Variants in HDHD5 observed in about 807,000 individuals in gnomAD.
The protein encoded by HDHD5 is haloacid dehalogenase-like hydrolase domain-containing 5.
HDHD5 carries 34 observed loss-of-function variants against 35.5 expected under a neutral mutation model. The observed-to-expected ratio is 0.96, with a 90% CI of 0.73 to 1.28. The LOEUF (loss-of-function observed/expected upper bound fraction) is 1.28. Ranked by LOEUF, HDHD5 falls within the 50% of genes most tolerant of loss-of-function variation. The pLI, the probability that HDHD5 is intolerant of heterozygous loss-of-function variation, is 0.00. For missense variants in HDHD5, 589 were observed against 560.2 expected, an observed-to-expected ratio of 1.05 and a Z score of -0.52; for synonymous variants, 248 against 240.6, an observed-to-expected ratio of 1.03 and a Z score of -0.29.
intron 3 of HDHD5, among the ~76,000 whole-genome samples, chr22:17,145,328 G>A (rs2061649821): frequency 6.6e-6 from 1 of 152,196 alleles, no homozygotes; most frequent in Non-Finnish European, 1.5e-5. Flanking sequence ...CAGCTCCTGG[G>A]TAACCCACCA....
intron 3 of HDHD5, among the ~76,000 whole-genome samples, chr22:17,146,165 C>T (rs941008064): frequency 1.3e-5 from 2 of 152,062 alleles, no homozygotes; most frequent in Non-Finnish European, 2.9e-5. Flanking sequence ...TCCTTCCTCT[C>T]CCTATCCCAT....
rs1305956004 is a variant in HDHD5 at position 17,159,224 on chromosome 22, G to A, written c.28C>T (p.Leu10Phe). 8.7e-5 allele frequency: 104 copies of A among 1,200,512 alleles called. No homozygotes were observed. Among genetic ancestry groups the A allele is most frequent in the Non-Finnish European group, 1.0e-4 (99 of 969,226 alleles). 74.4% of individuals were successfully genotyped at this position (1,200,512 alleles called of 1,614,324 possible). MAAWGCVAA[L>F]GAARGLCWRA... ...CAGCAAAGCCCACGCGCCGCGCCGA[G>A]CGCAGCCACACAGCCCCACGCAGCC... The change falls in exon 1 of 8, where the codon CTC becomes TTC. Residue 10 changes from leucine (L) to phenylalanine (F), a missense_variant. Transcript: ENST00000336737.
chr22:17,151,417 T>C (rs1460905098), intron 1 of HDHD5, among the ~76,000 whole-genome samples: 1 of 152,134 alleles, frequency 6.6e-6, no homozygotes, highest in Non-Finnish European at 1.5e-5. Flanking sequence ...GCTCCCTTTA[T>C]AGAGCAACCA....
chr22:17,158,265 G>A (rs149481670), intron 1 of HDHD5, among the ~76,000 whole-genome samples: 3,862 of 152,060 alleles, frequency 0.025, 171 homozygotes, highest in African/African-American at 0.088. Context: ...AGGTTGCAGT[G>A]AGCAGAGATT....
chr22:17,156,423 C>T (rs960661004), intron 1 of HDHD5, among the ~76,000 whole-genome samples: 3 of 152,000 alleles, frequency 2.0e-5, no homozygotes, highest in Non-Finnish European at 1.5e-5. Flanking sequence ...CCAGTCTGGC[C>T]AACATGGTGA....
intron 1 of HDHD5, among the ~76,000 whole-genome samples, chr22:17,151,822 G>A (rs1158944254): frequency 6.6e-6 from 1 of 151,768 alleles, no homozygotes; most frequent in Non-Finnish European, 1.5e-5. Context: ...TAAGGTGACA[G>A]AGCAAGCAAC....
Position 17,159,213 on chromosome 22 carries a change from C to G in HDHD5, c.39G>C (p.Ala13=), listed in dbSNP as rs1237693741. The G allele has an allele frequency of 1.7e-6, 2 of 1,210,092 alleles. No individual in the cohort carries two copies. The highest frequency in any genetic ancestry group is 2.1e-6 in the Non-Finnish European group (2 of 974,750). 75.0% of individuals were successfully genotyped at this position (1,210,092 alleles called of 1,614,324 possible). Residue 13 remains alanine, a synonymous_variant, in exon 1 of 8, where the codon GCG becomes GCC. Coordinates refer to ENST00000336737, the MANE Select transcript of HDHD5 (RefSeq NM_033070.3). Reference sequence around the variant, plus strand: ...GCGCCGCCCGCCAGCAAAGCCCACGCGCCGCGCCGAGCGCAGCCACACAGC... The same window carrying G: ...GCGCCGCCCGCCAGCAAAGCCCACGGGCCGCGCCGAGCGCAGCCACACAGC... The part of the protein sequence containing the change: ...AWGCVAALGA[A]RGLCWRAARA...
rs1203739298 is a variant in HDHD5 at position 17,149,572 on chromosome 22, G to A, written c.300C>T (p.Ala100=). The part of the protein sequence containing the change: ...NAGNILQHSK[A]QELSALLGCE... ...ACCCCAGCAGGGCTGACAGCTCCTG[G>A]GCTTTGCTGTGTTGTAAGATGTTCC... is the stretch of plus-strand genomic sequence containing the variant. The change falls in exon 2 of 8, where the codon GCC becomes GCT. Residue 100 remains alanine (A), a synonymous_variant. Transcript: ENST00000336737. The A allele has an allele frequency of 6.2e-7, 1 of 1,612,520 alleles. No individual in the cohort carries two copies. Among genetic ancestry groups the A allele is most frequent in the Admixed American group, 1.7e-5 (1 of 60,012 alleles).
Position 17,141,165 on chromosome 22 carries a change from TGAG to T in HDHD5, c.637_639del (p.Leu213del). The T allele has an allele frequency of 6.3e-7, 1 of 1,596,690 alleles. No homozygotes were observed. Among genetic ancestry groups the T allele is most frequent in the Non-Finnish European group, 8.5e-7 (1 of 1,172,602 alleles). On this transcript the variant is annotated inframe_deletion, in exon 6 of 8. Transcript: ENST00000336737. ...AGGCCAGCCCCAGGGCTCCCATTGC[TGAG>T]GAGGACATCCATGATCAGCTGCAGG...
At chr22:17,152,917 T>C (rs1273881056) in intron 1 of HDHD5, among the ~76,000 whole-genome samples, 2 of 151,498 alleles carry the variant, frequency 1.3e-5, no homozygotes, top group African/African-American at 4.9e-5. Context: ...GCTTGGACAA[T>C]GACAGCTACA....
At chr22:17,151,891 G>A (rs1325788201) in intron 1 of HDHD5, among the ~76,000 whole-genome samples, 1 of 152,198 alleles carries the variant, frequency 6.6e-6, no homozygotes. Context: ...TCAATTCTAG[G>A]TAAGTTCTAA....
At chr22:17,164,224 A>G (rs1484999332), upstream of HDHD5, among the ~76,000 whole-genome samples, 1 of 32,676 alleles carries the variant, frequency 3.1e-5, no homozygotes, top group East Asian at 1.5e-3. Flanking sequence ...CCATCTCAGA[A>G]AAAAAAAAAA....
chr22:17,144,312 T>C (rs1056586219), intron 4 of HDHD5, among the ~76,000 whole-genome samples: 2 of 151,650 alleles, frequency 1.3e-5, no homozygotes, highest in African/African-American at 4.8e-5. Flanking sequence ...TGGAGTGCAG[T>C]GATCACAGCT....
intron 1 of HDHD5, among the ~76,000 whole-genome samples, chr22:17,153,704 G>C (rs1054643452): frequency 2.0e-5 from 3 of 152,074 alleles, no homozygotes; most frequent in Admixed American, 6.6e-5. Flanking sequence ...AAGGGAGGAG[G>C]GGATGTGATT....
Position 17,159,166 on chromosome 22 carries a change from C to A in HDHD5, c.86G>T (p.Gly29Val). 8.2e-7 allele frequency: 1 copy of A among 1,220,196 alleles called. No homozygotes were observed. Among genetic ancestry groups the A allele is most frequent in the Non-Finnish European group, 1.0e-6 (1 of 979,888 alleles). The allele number at this position is 1,220,196 out of a possible 1,614,324, so 75.6% of individuals were successfully genotyped here. ...AGCATAGCACCTGCGGGCGGGGCGG[C>A]CCTGGAGCCCCGCAGCCGCGCGCGC... The part of the protein sequence containing the change: ...RAARAAAGLQ[G>V]RPARRCYAVG... The change falls in exon 1 of 8, where the codon GGC (glycine) becomes GTC (valine). Residue 29 changes from glycine to valine, a missense_variant. By Grantham distance (109) the Gly-to-Val change is moderately radical. Coordinates refer to ENST00000336737, the MANE Select transcript of HDHD5 (RefSeq NM_033070.3).
intron 1 of HDHD5, among the ~76,000 whole-genome samples, chr22:17,156,112 C>T (rs1276615182): frequency 3.3e-5 from 5 of 151,836 alleles, no homozygotes; most frequent in African/African-American, 1.2e-4. Context: ...ACCTCAAGAG[C>T]CTCAGAGAGG....
upstream of HDHD5, among the ~76,000 whole-genome samples, chr22:17,162,046 A>G (rs1432543211): frequency 2.0e-5 from 3 of 152,164 alleles, no homozygotes; most frequent in Admixed American, 2.0e-4. Flanking sequence ...GCCCTCATTT[A>G]GATAACTCAT....
At chr22:17,152,093 A>G (rs2061733127) in intron 1 of HDHD5, among the ~76,000 whole-genome samples, 1 of 152,200 alleles carries the variant, frequency 6.6e-6, no homozygotes, top group South Asian at 2.1e-4. Context: ...GACAGTCTAC[A>G]GGGAGCCTTG....
chr22:17,164,136 G>A (rs569479631), upstream of HDHD5, among the ~76,000 whole-genome samples: 8 of 151,842 alleles, frequency 5.3e-5, no homozygotes, highest in Admixed American at 3.9e-4. Flanking sequence ...CTGGGGAATC[G>A]CTTGAATCCG....
Sources: allele counts gnomAD v4.1 joint callset (sites outside exome capture counted in the v4.1 genomes callset), GRCh38; gene constraint gnomAD v4.1.1; transcripts MANE v1.5; gene names NCBI Gene and HGNC (gene_info 2026-07-23, HGNC 2026-07-21).